LRRC40: variants seen among roughly 807,000 people sequenced by gnomAD.
The protein encoded by LRRC40 is leucine-rich repeat-containing protein 40.
A neutral mutation model predicts 72.8 loss-of-function variants in LRRC40; 76 were observed. The ratio of observed to expected loss-of-function variants is 1.04; its 90% confidence interval spans 0.87 to 1.26. The LOEUF (loss-of-function observed/expected upper bound fraction) is 1.26. LRRC40 is among the 50% of genes most tolerant of loss of function. The pLI is 0.00. For synonymous variants in LRRC40, 243 were observed against 254.2 expected (o/e 0.96, Z 0.42); for missense variants, 684 against 698.9 (o/e 0.98, Z 0.24).
chr1:70,173,686 A>C lies in LRRC40; in HGVS notation c.1001T>G (p.Leu334Arg). The C allele has an allele frequency of 6.4e-7, 1 of 1,560,114 alleles. No homozygotes were observed. Among genetic ancestry groups the C allele is most frequent in the Non-Finnish European group, 8.8e-7 (1 of 1,142,688 alleles). The change falls in exon 8 of 15, where the codon CTT becomes CGT. Residue 334 changes from leucine (L) to arginine (R), a missense_variant. By Grantham distance (102) the Leu-to-Arg change is moderately radical. Coordinates refer to ENST00000370952, the MANE Select transcript of LRRC40 (RefSeq NM_017768.5). ...TTCTAATGCCAAAAATTTCAAATGA[A>C]GGTTCCCCAATGAATAGGGAAGACT... Reference protein sequence around the residue: ...ISSLPYSLGNLHLKFLALEGN... With the variant: ...ISSLPYSLGNRHLKFLALEGN...
intron 13 of LRRC40, among the ~76,000 whole-genome samples, chr1:70,150,361 C>T (rs899855906): frequency 3.9e-5 from 6 of 152,104 alleles, no homozygotes; most frequent in Admixed American, 1.3e-4. Flanking sequence ...TTTATGCATA[C>T]CTTAGATGAG....
intron 2 of LRRC40, 143 bp downstream of exon 2, chr1:70,188,949 C>T: frequency 3.1e-6 from 2 of 635,208 alleles, no homozygotes; most frequent in Non-Finnish European, 5.1e-6. Context: ...GCACTTTTAA[C>T]CATTATGCTA....
chr1:70,184,450 A>C (rs751604531), intron 4 of LRRC40, among the ~76,000 whole-genome samples: 8 of 151,960 alleles, frequency 5.3e-5, no homozygotes, highest in Non-Finnish European at 1.0e-4. Context: ...TAAGGAAGGA[A>C]ATGGAAATGG....
intron 11 of LRRC40, 24 bp downstream of exon 11, chr1:70,155,665 T>C (rs532377495): frequency 4.5e-6 from 5 of 1,122,778 alleles, no homozygotes; most frequent in Admixed American, 4.2e-5. Flanking sequence ...TCACAACCTA[T>C]AGACATGGCA....
In LRRC40 at chr1:70,179,051, G is replaced by A. The variant is rs538733831; in HGVS notation, c.662-58C>T. The A allele has an allele frequency of 2.5e-4, 266 of 1,081,746 alleles. No homozygotes were observed. In the African/African-American group the frequency reaches 3.8e-3, roughly 15 times the overall value. 67.0% of individuals were successfully genotyped at this position (1,081,746 alleles called of 1,614,324 possible). ...GAGAAAAAAAAATTAGTTTCTGATC[G>A]TATACAACTTTAAAGAATGTGTAAG... On this transcript the variant is annotated intron_variant, in intron 5 of 14. Coordinates refer to ENST00000370952, the MANE Select transcript of LRRC40 (RefSeq NM_017768.5).
At chr1:70,149,090 TA>T in intron 13 of LRRC40, among the ~76,000 whole-genome samples, 1 of 152,336 alleles carries the variant, frequency 6.6e-6, no homozygotes, top group East Asian at 1.9e-4. Context: ...CTGAGGCTTC[TA>T]AAATGAGTAC....
At chr1:70,189,310 A>G (rs1351454374) in intron 1 of LRRC40, 37 bp from the exon 2 acceptor site, 8 of 1,467,310 alleles carry the variant, frequency 5.5e-6, no homozygotes, top group Admixed American at 2.4e-5. Flanking sequence ...AAAAAAAAAA[A>G]AAAAAAAAAG....
intron 9 of LRRC40, among the ~76,000 whole-genome samples, chr1:70,161,393 C>T (rs1303386595): frequency 6.6e-6 from 1 of 151,560 alleles, no homozygotes; most frequent in Non-Finnish European, 1.5e-5. Context: ...CATGGAGATA[C>T]CTTTTTAAGA....
At chr1:70,173,196 C>T (rs1668034380) in intron 9 of LRRC40, among the ~76,000 whole-genome samples, 1 of 151,950 alleles carries the variant, frequency 6.6e-6, no homozygotes, top group African/African-American at 2.4e-5. Context: ...GTACTAAGTG[C>T]TTACTGAATC....
chr1:70,153,972 C>CAAAAAAAAAAAAAAAA (rs1042976831), intron 11 of LRRC40, among the ~76,000 whole-genome samples: 1 of 58,186 alleles, frequency 1.7e-5, no homozygotes, highest in Non-Finnish European at 3.4e-5. Context: ...GATCCTGTCT[C>CAAAAAAAAAAAAAAAA]AAAAAAAAAA....
At chr1:70,172,513 T>G (rs997716533) in intron 9 of LRRC40, among the ~76,000 whole-genome samples, 3 of 152,188 alleles carry the variant, frequency 2.0e-5, no homozygotes, top group African/African-American at 7.2e-5. Context: ...AATGTTTGCA[T>G]ATAACTGTAA....
At chr1:70,161,326 C>T (rs969639485) in intron 9 of LRRC40, among the ~76,000 whole-genome samples, 21 of 151,912 alleles carry the variant, frequency 1.4e-4, no homozygotes, top group Admixed American at 3.9e-4. Flanking sequence ...TCTCGTGATC[C>T]GCCTGCCTTG....
chr1:70,184,075 C>A (rs1457154811), intron 4 of LRRC40, among the ~76,000 whole-genome samples: 2 of 151,928 alleles, frequency 1.3e-5, no homozygotes, highest in Admixed American at 6.6e-5. Context: ...TGGTGAAACC[C>A]CGTCTCTACT....
intron 11 of LRRC40, among the ~76,000 whole-genome samples, chr1:70,153,255 G>C (rs111953179): frequency 1.3e-5 from 2 of 151,942 alleles, no homozygotes; most frequent in Non-Finnish European, 2.9e-5. Flanking sequence ...CCAGCTACTC[G>C]GGAGGCTGAA....
intron 1 of LRRC40, among the ~76,000 whole-genome samples, chr1:70,191,617 T>C (rs1437479331): frequency 6.6e-6 from 1 of 152,162 alleles, no homozygotes; most frequent in African/African-American, 2.4e-5. Flanking sequence ...CTAATCATTT[T>C]TGAGGTATCC....
chr1:70,151,280 G>A (rs951070883), intron 12 of LRRC40, 75 bp from the exon 13 acceptor site: 22 of 708,080 alleles, frequency 3.1e-5, no homozygotes, highest in Middle Eastern at 3.9e-4. Flanking sequence ...TTAAAATATT[G>A]AGCAGGAAAA....
At chr1:70,159,703 T>C (rs1399885495) in intron 9 of LRRC40, among the ~76,000 whole-genome samples, 1 of 152,204 alleles carries the variant, frequency 6.6e-6, no homozygotes, top group African/African-American at 2.4e-5. Flanking sequence ...AGAACCTTCA[T>C]AGAATAACTA....
In LRRC40 at chr1:70,145,828, T is replaced by G; in HGVS notation, c.1781A>C (p.Glu594Ala). The G allele has an allele frequency of 6.2e-7, 1 of 1,607,954 alleles. No individual in the cohort carries two copies. The highest frequency in any genetic ancestry group is 8.5e-7 in the Non-Finnish European group (1 of 1,174,972). Residue 594 changes from glutamate to alanine, a missense_variant, in exon 15 of 15, where the codon GAA becomes GCA. By Grantham distance (107) the Glu-to-Ala change is moderately radical (BLOSUM62 -1). Transcript: ENST00000370952. ...ILMKGTAAIL[E>A]YLRDRIPT Reference sequence around the variant, plus strand: ...AGTAGGAATTCGGTCTCTCAAATATTCAAGTATAGCAGCTGTTCCTTTCAT... The same window carrying G: ...AGTAGGAATTCGGTCTCTCAAATATGCAAGTATAGCAGCTGTTCCTTTCAT...
intron 9 of LRRC40, among the ~76,000 whole-genome samples, chr1:70,161,956 T>A (rs1484110744): frequency 6.6e-6 from 1 of 152,186 alleles, no homozygotes; most frequent in Non-Finnish European, 1.5e-5. Context: ...GTATGTTGAA[T>A]GTATTTTTAT....
Sources: allele counts gnomAD v4.1 joint callset (sites outside exome capture counted in the v4.1 genomes callset), GRCh38; gene constraint gnomAD v4.1.1; transcripts MANE v1.5; gene names NCBI Gene and HGNC (gene_info 2026-07-23, HGNC 2026-07-21).